The following TRPV4 variants were observed in gnomAD, a reference collection of about 807,000 sequenced individuals.
TRPV4 encodes the protein OSM9-like transient receptor potential channel 4.
A neutral mutation model predicts 84.1 loss-of-function variants in TRPV4; 58 were observed. The observed-to-expected ratio is 0.69, with a 90% CI of 0.56 to 0.86. The LOEUF is 0.86. Ranked by LOEUF, TRPV4 falls within the 40% of genes least tolerant of loss-of-function variation. The pLI is 0.00. For missense variants in TRPV4, 879 were observed against 1,181.1 expected, an observed-to-expected ratio of 0.74 and a Z score of 3.75; for synonymous variants, 489 against 500.9, an observed-to-expected ratio of 0.98 and a Z score of 0.32.
intron 3 of TRPV4, among the ~76,000 whole-genome samples, 195 bp from the exon 4 acceptor site, chr12:109,803,338 G>T (rs1408902973): frequency 6.6e-6 from 1 of 152,206 alleles, no homozygotes; most frequent in Non-Finnish European, 1.5e-5. Context: ...TGCTGAGAGG[G>T]TACAATAAAC....
Position 109,788,434 on chromosome 12 carries a change from A to T in TRPV4, c.2174T>A (p.Val725Asp), listed in dbSNP as rs762088676. 6.2e-7 allele frequency: 1 copy of T among 1,614,112 alleles called. No individual in the cohort carries two copies. The highest frequency in any genetic ancestry group is 1.7e-5 in the Admixed American group (1 of 60,020). Residue 725 changes from valine (V) to aspartate (D), a missense_variant, in exon 13 of 16, where the codon GTC becomes GAC. This residue lies in a region of TRPV4 where 242 missense variants were observed against 355.3 expected (regional missense o/e 0.68). Coordinates refer to ENST00000261740, the MANE Select transcript of TRPV4 (RefSeq NM_021625.5). ...CCAGATGTGCTTGCTCTCCTTGGAG[A>T]CCTGGCCCACTGTCTCGCCCATGAG... ...IALMGETVGQ[V>D]SKESKHIWKL...
At chr12:109,818,332 C>T (rs1358709424) in intron 1 of TRPV4, among the ~76,000 whole-genome samples, 1 of 152,130 alleles carries the variant, frequency 6.6e-6, no homozygotes, top group Non-Finnish European at 1.5e-5. Context: ...CAAAAGACAG[C>T]CCCGCACCAC....
Position 109,793,640 on chromosome 12 carries a change from G to T in TRPV4, c.1585-40C>A. The T allele has an allele frequency of 1.3e-6, 2 of 1,533,764 alleles. No homozygotes were observed. Among genetic ancestry groups the T allele is most frequent in the Non-Finnish European group, 1.8e-6 (2 of 1,106,946 alleles). On this transcript the variant is annotated intron_variant, in intron 9 of 15. Transcript: ENST00000261740. This position sits in a 1 kb window ranked among gnomAD's most constrained non-coding sequence, Gnocchi z 4.0. ...GGGGCACGTGAAAGGGGTGGGGCCA[G>T]CAGGAGAGGAGAGGAGGAGAGAGGA...
chr12:109,822,853 T>C (rs1316363903), intron 1 of TRPV4, among the ~76,000 whole-genome samples: 5 of 152,224 alleles, frequency 3.3e-5, no homozygotes, highest in African/African-American at 1.2e-4. Flanking sequence ...GCCCAGTGCC[T>C]GGTACAGAGC....
intron 13 of TRPV4, 129 bp downstream of exon 13, chr12:109,788,271 A>C: frequency 2.2e-6 from 2 of 918,118 alleles, no homozygotes; most frequent in Non-Finnish European, 3.3e-6. Flanking sequence ...TTTTACCGAC[A>C]GAGAAGTGGA....
intron 4 of TRPV4, among the ~76,000 whole-genome samples, chr12:109,802,130 C>CTT (rs35214010): frequency 0.015 from 1,955 of 134,296 alleles, 37 homozygotes; most frequent in South Asian, 0.056. Flanking sequence ...ATCTTGGAAT[C>CTT]TTTTTTTTTT....
Position 109,792,771 on chromosome 12 carries a change from C to T in TRPV4, c.1705G>A (p.Ala569Thr), listed in dbSNP as rs1890128571. The T allele has an allele frequency of 1.2e-6, 2 of 1,614,062 alleles. No individual in the cohort carries two copies. The highest frequency in any genetic ancestry group is 1.7e-6 in the Non-Finnish European group (2 of 1,180,028). ...ACGGCCAGGTAGGCCTCGATCCCTGCCAGGTAGAGGGCTGCTGAGACGATC... is the reference window on the plus strand; with the variant it reads ...ACGGCCAGGTAGGCCTCGATCCCTGTCAGGTAGAGGGCTGCTGAGACGATC... ...LVIVSAALYL[A>T]GIEAYLAVMV... The change falls in exon 11 of 16, where the codon GCA (alanine) becomes ACA (threonine). Residue 569 changes from alanine to threonine, a missense_variant. By Grantham distance (58) the Ala-to-Thr change is moderately conservative. Coordinates refer to ENST00000261740, the MANE Select transcript of TRPV4 (RefSeq NM_021625.5).
At chr12:109,787,573 C>T (rs1020328539) in intron 13 of TRPV4, among the ~76,000 whole-genome samples, 1 of 152,236 alleles carries the variant, frequency 6.6e-6, no homozygotes, top group African/African-American at 2.4e-5. Flanking sequence ...CATTGCACTC[C>T]AGCCCACAGG....
At chr12:109,820,550 G>C (rs1015797333) in intron 1 of TRPV4, among the ~76,000 whole-genome samples, 1 of 82,228 alleles carries the variant, frequency 1.2e-5, no homozygotes, top group Non-Finnish European at 2.4e-5. Context: ...TTGAGACGGA[G>C]TCTCCCTCTG....
Position 109,797,224 on chromosome 12 carries a change from A to T in TRPV4, c.1153-520T>A, listed in dbSNP as rs995210503. Among the ~76,000 whole-genome samples the T allele has an allele frequency of 2.0e-5, 3 of 150,008 alleles. No homozygotes were observed. In the East Asian group the frequency reaches 5.9e-4, roughly 30 times the overall value. ...TGGAGTGCAGTGGCGCGATCTCAGC[A>T]CACTGCAACCCTCTCCTCCTAGGTT... On this transcript the variant is annotated intron_variant, in intron 6 of 15. Coordinates refer to ENST00000261740, the MANE Select transcript of TRPV4 (RefSeq NM_021625.5).
intron 2 of TRPV4, among the ~76,000 whole-genome samples, chr12:109,812,222 C>T (rs1386592915): frequency 1.3e-5 from 2 of 152,172 alleles, no homozygotes; most frequent in Non-Finnish European, 2.9e-5. Flanking sequence ...GGATGGGGAC[C>T]AGACAAGGTG....
intron 11 of TRPV4, 44 bp downstream of exon 11, chr12:109,792,608 C>T (rs2136467650): frequency 6.2e-7 from 1 of 1,612,520 alleles, no homozygotes; most frequent in Admixed American, 1.7e-5. Context: ...GTGTGTGACT[C>T]CCTCCAGGAA....
At chr12:109,822,308 C>T (rs910595565) in intron 1 of TRPV4, among the ~76,000 whole-genome samples, 16 of 152,206 alleles carry the variant, frequency 1.1e-4, no homozygotes, top group African/African-American at 3.6e-4. Flanking sequence ...CTCCCTCCAC[C>T]CTGGGGCTCC....
At chr12:109,791,432 G>A (rs1890022195) in intron 12 of TRPV4, among the ~76,000 whole-genome samples, 1 of 151,116 alleles carries the variant, frequency 6.6e-6, no homozygotes, top group East Asian at 2.0e-4. Flanking sequence ...ACTTTAGGTG[G>A]CTTCCTTTGT....
chr12:109,804,368 G>A (rs537398442), intron 3 of TRPV4, among the ~76,000 whole-genome samples: 6 of 152,294 alleles, frequency 3.9e-5, no homozygotes, highest in East Asian at 1.9e-4. Flanking sequence ...TCAGGTGCCC[G>A]TTCTGAAGCC....
chr12:109,822,283 C>G (rs758507995), intron 1 of TRPV4, among the ~76,000 whole-genome samples: 30 of 152,206 alleles, frequency 2.0e-4, no homozygotes, highest in Non-Finnish European at 3.8e-4. Context: ...CCAGACAGAC[C>G]CAGTGTGCTT....
chr12:109,808,246 C>T (rs1228342865), intron 3 of TRPV4, 50 bp downstream of exon 3: 2 of 1,606,948 alleles, frequency 1.2e-6, no homozygotes, highest in South Asian at 1.1e-5. Context: ...TGCCAGGCTT[C>T]CCCCACACCC....
At chr12:109,799,829 T>C (rs969828258) in intron 5 of TRPV4, among the ~76,000 whole-genome samples, 1 of 152,134 alleles carries the variant, frequency 6.6e-6, no homozygotes, top group Non-Finnish European at 1.5e-5. Flanking sequence ...GGTGCAATCA[T>C]GGCTTACTGC....
chr12:109,799,175 C>CA (rs1237042337), intron 5 of TRPV4, among the ~76,000 whole-genome samples: 2 of 143,562 alleles, frequency 1.4e-5, no homozygotes, highest in African/African-American at 5.2e-5. Flanking sequence ...TTTTTTGAGA[C>CA]AAAGTCTCAC....
Sources: allele counts gnomAD v4.1 joint callset (sites outside exome capture counted in the v4.1 genomes callset), GRCh38; gene constraint gnomAD v4.1.1; regional missense constraint gnomAD v4.1.1; non-coding constraint Gnocchi (gnomAD v3.1); transcripts MANE v1.5; gene names NCBI Gene and HGNC (gene_info 2026-07-23, HGNC 2026-07-21).